The following ERCC8 variants were observed in gnomAD, a reference collection of about 807,000 sequenced individuals.
ERCC8 encodes ERCC excision repair 8, CSA ubiquitin ligase complex subunit, also known as DNA excision repair protein ERCC-8.
In ERCC8, 52 loss-of-function variants were observed where a neutral mutation model predicts 54.9. The observed-to-expected ratio is 0.95, with a 90% CI of 0.76 to 1.19. ERCC8 has a LOEUF of 1.19. Ranked by LOEUF, ERCC8 falls within the 50% of genes most tolerant of loss-of-function variation. The pLI is 0.00. For missense variants in ERCC8, 514 were observed against 466.1 expected, an observed-to-expected ratio of 1.10 and a Z score of -0.95; for synonymous variants, 146 against 157.2, an observed-to-expected ratio of 0.93 and a Z score of 0.53.
At chr5:60,878,916 G>C (rs1256038484) in intron 11 of ERCC8, among the ~76,000 whole-genome samples, 7 of 152,062 alleles carry the variant, frequency 4.6e-5, no homozygotes, top group African/African-American at 1.7e-4. Context: ...GCTAGCTTTT[G>C]AATGTGTTTG....
In ERCC8 at chr5:60,887,499, C is replaced by T; in HGVS notation, c.1063G>A (p.Asp355Asn). 6.2e-7 allele frequency: 1 copy of T among 1,613,776 alleles called. No homozygotes were observed. The highest frequency in any genetic ancestry group is 1.1e-5 in the South Asian group (1 of 91,064). Residue 355 changes from aspartate (D) to asparagine (N), a missense_variant, in exon 11 of 12, where the codon GAC becomes AAC. By Grantham distance (23) the Asp-to-Asn change is conservative (BLOSUM62 1). Coordinates refer to ENST00000676185, the MANE Select transcript of ERCC8 (RefSeq NM_000082.4). ...GGAACCCAAGCCAGAATGTTGCAGT[C>T]TCTGCTACCACTATAAAGTTCCTAT... The part of the protein sequence containing the change: ...NFQELYSGSR[D>N]CNILAWVPSL...
At chr5:60,891,458 A>C (rs919630176) in intron 9 of ERCC8, among the ~76,000 whole-genome samples, 2 of 152,184 alleles carry the variant, frequency 1.3e-5, no homozygotes, top group Non-Finnish European at 2.9e-5. Context: ...CTAAAAGGGC[A>C]AATGGTTTAT....
intron 7 of ERCC8, among the ~76,000 whole-genome samples, chr5:60,900,231 A>G (rs1197050386): frequency 6.6e-6 from 1 of 152,064 alleles, no homozygotes; most frequent in Non-Finnish European, 1.5e-5. Flanking sequence ...TTGGTTTCCT[A>G]TACTCAAATC....
chr5:60,909,112 GAT>G (rs1749168837), intron 4 of ERCC8, among the ~76,000 whole-genome samples: 1 of 151,798 alleles, frequency 6.6e-6, no homozygotes, highest in Admixed American at 6.6e-5. Flanking sequence ...AAAAAGTCAA[GAT>G]AATAGGATGA....
At chr5:60,915,043 T>C (rs1395384515) in intron 4 of ERCC8, 1 of 152,044 alleles carries the variant, frequency 6.6e-6, no homozygotes, top group East Asian at 1.9e-4. Flanking sequence ...GGCTTGTAAT[T>C]TTCCATATAA....
At chr5:60,881,163 C>T (rs1748207834) in intron 11 of ERCC8, among the ~76,000 whole-genome samples, 1 of 152,062 alleles carries the variant, frequency 6.6e-6, no homozygotes, top group African/African-American at 2.4e-5. Context: ...AGCTCAGAGA[C>T]TGCAGAACAG....
intron 11 of ERCC8, among the ~76,000 whole-genome samples, chr5:60,884,894 CTA>C (rs1748350644): frequency 6.6e-6 from 1 of 152,088 alleles, no homozygotes; most frequent in African/African-American, 2.4e-5. Context: ...TTGTATATCT[CTA>C]TGTGATTTTC....
At chr5:60,880,603 A>T (rs1309932330) in intron 11 of ERCC8, among the ~76,000 whole-genome samples, 1 of 151,856 alleles carries the variant, frequency 6.6e-6, no homozygotes, top group Non-Finnish European at 1.5e-5. Context: ...TTCTCACTTC[A>T]TTTCATTCAT....
chr5:60,885,281 T>G (rs1469858063), intron 11 of ERCC8, among the ~76,000 whole-genome samples: 1 of 152,168 alleles, frequency 6.6e-6, no homozygotes, highest in Non-Finnish European at 1.5e-5. Context: ...CTCAAAGTGC[T>G]GGGATTACAG....
At chr5:60,899,846 T>C (rs1748824964) in intron 7 of ERCC8, 119 bp from the exon 8 acceptor site, 1 of 721,822 alleles carries the variant, frequency 1.4e-6, no homozygotes, top group Non-Finnish European at 2.5e-6. Flanking sequence ...TATGTATTCA[T>C]ACATTAGGGT....
rs869039109 is a variant in ERCC8 at position 60,904,634 on chromosome 5, GTATATATATATATATATATATA to G, written c.481+136_481+157del. On this transcript the variant is annotated intron_variant, in intron 5 of 11. Coordinates refer to ENST00000676185, the MANE Select transcript of ERCC8 (RefSeq NM_000082.4). ...TTGAATATATATAGTGTGTGTGTGT[GTATATATATATATATATATATA>G]TATATATATATATATATATATATAT... Among the ~76,000 whole-genome samples, 55 of 49,942 alleles carry G rather than the reference GTATATATATATATATATATATA, an allele frequency of 1.1e-3. 1 individual carries two copies. Among genetic ancestry groups the G allele is most frequent in the Admixed American group, 5.2e-3 (21 of 4,048 alleles). The allele number at this position is 49,942 out of a possible 152,430, so 32.8% of individuals were successfully genotyped here.
chr5:60,938,048 CATATATATATATATATAT>C (rs1170248858), intron 1 of ERCC8, among the ~76,000 whole-genome samples: 768 of 23,392 alleles, frequency 0.033, 21 homozygotes, highest in Middle Eastern at 0.12. Context: ...TACATACATA[CATATATATATATATATAT>C]ATATATATAT....
rs1294875327 is a variant in ERCC8 at position 60,867,380 on chromosome 5, A to G, written c.*7235T>C. ...GGCCATTCTCCTGCCTCTGATGCCC[A>G]AAGTGCTGGGTTTACAGGTGTGAGC... On this transcript the variant is annotated 3_prime_UTR_variant, in exon 12 of 12. Transcript: ENST00000676185. 6.6e-6 allele frequency among the ~76,000 whole-genome samples: 1 copy of G among 152,126 alleles called. No individual in the cohort carries two copies. Among genetic ancestry groups the G allele is most frequent in the Non-Finnish European group, 1.5e-5 (1 of 68,020 alleles).
At chr5:60,925,724 G>A (rs965464761) in intron 2 of ERCC8, among the ~76,000 whole-genome samples, 1 of 152,102 alleles carries the variant, frequency 6.6e-6, no homozygotes, top group South Asian at 2.1e-4. Flanking sequence ...TAGTTTGGTT[G>A]TAAGTGTTAA....
intron 11 of ERCC8, among the ~76,000 whole-genome samples, chr5:60,878,141 G>C (rs1442916192): frequency 6.6e-6 from 1 of 152,190 alleles, no homozygotes; most frequent in East Asian, 1.9e-4. Flanking sequence ...TTTGGTTTTT[G>C]TCATTGGTTC....
At chr5:60,913,657 C>T (rs750865312) in intron 4 of ERCC8, among the ~76,000 whole-genome samples, 6 of 152,042 alleles carry the variant, frequency 3.9e-5, no homozygotes, top group Admixed American at 1.3e-4. Flanking sequence ...TTTGCTCTTG[C>T]TTCTCTAGTT....
At chr5:60,879,596 T>C (rs537451492) in intron 11 of ERCC8, among the ~76,000 whole-genome samples, 1 of 152,370 alleles carries the variant, frequency 6.6e-6, no homozygotes, top group East Asian at 1.9e-4. Flanking sequence ...GCTCTTCTTG[T>C]TGAATTGATC....
At chr5:60,944,840 G>C (rs1312934998) in intron 1 of ERCC8, 92 bp downstream of exon 1, 9 of 939,236 alleles carry the variant, frequency 9.6e-6, no homozygotes, top group Admixed American at 8.7e-5. Context: ...GGTGGCAGGA[G>C]AGCGATGAGA....
At chr5:60,937,645 C>T (rs1203352259) in intron 1 of ERCC8, among the ~76,000 whole-genome samples, 1 of 152,160 alleles carries the variant, frequency 6.6e-6, no homozygotes, top group Non-Finnish European at 1.5e-5. Flanking sequence ...GGTTTCACTC[C>T]CACTGCGCCC....
Sources: allele counts gnomAD v4.1 joint callset (sites outside exome capture counted in the v4.1 genomes callset), GRCh38; gene constraint gnomAD v4.1.1; transcripts MANE v1.5; gene names NCBI Gene and HGNC (gene_info 2026-07-23, HGNC 2026-07-21).